SAMD12: variants seen among roughly 807,000 people sequenced by gnomAD.
The protein encoded by SAMD12 is sterile alpha motif domain-containing protein 12.
SAMD12 carries 9 observed loss-of-function variants against 15.0 expected under a neutral mutation model. That is an observed-to-expected ratio of 0.60 (90% CI 0.36 to 1.05). The LOEUF is 1.05. Among genes scored for constraint, SAMD12 ranks in the 50% least tolerant of loss-of-function variants. The probability of loss-of-function intolerance (pLI) is 0.01; values close to 1 mark genes in which losing one functional copy is unlikely to be tolerated. For missense variants in SAMD12, 230 were observed against 234.2 expected (o/e 0.98, Z 0.12); for synonymous variants, 86 against 90.1 (o/e 0.96, Z 0.25).
chr8:118,243,936 A>T (rs1372304429), intron 4 of SAMD12, among the ~76,000 whole-genome samples: 2 of 152,298 alleles, frequency 1.3e-5, no homozygotes, highest in African/African-American at 4.8e-5. Flanking sequence ...CACAAGATGC[A>T]CAACTTCTCT....
At chr8:118,349,860 C>A (rs1372157890) in intron 4 of SAMD12, among the ~76,000 whole-genome samples, 1 of 152,162 alleles carries the variant, frequency 6.6e-6, no homozygotes, top group Non-Finnish European at 1.5e-5. Context: ...GGGCACTGTG[C>A]CTCACACCTG....
intron 2 of SAMD12, among the ~76,000 whole-genome samples, chr8:118,493,554 A>G (rs1824511160): frequency 6.6e-6 from 1 of 152,214 alleles, no homozygotes; most frequent in Non-Finnish European, 1.5e-5. Flanking sequence ...GTTGCCTTCC[A>G]GAGCAATAAG....
intron 2 of SAMD12, among the ~76,000 whole-genome samples, chr8:118,530,336 C>G (rs755997872): frequency 3.3e-5 from 5 of 152,126 alleles, no homozygotes; most frequent in Non-Finnish European, 7.4e-5. Context: ...AGCATAATAT[C>G]TGATAGGTAG....
the SAMD12 span, among the ~76,000 whole-genome samples, chr8:118,151,964 C>T: frequency 1.2e-4 from 19 of 152,006 alleles, no homozygotes; most frequent in South Asian, 2.1e-4. Context: ...ATGGAAGCCA[C>T]CCCAACCTTA....
At chr8:118,541,263 A>G (rs1489833216) in intron 2 of SAMD12, among the ~76,000 whole-genome samples, 1 of 152,198 alleles carries the variant, frequency 6.6e-6, no homozygotes, top group Non-Finnish European at 1.5e-5. Flanking sequence ...GAAAGAGAAG[A>G]GCAGAGATTT....
At chr8:118,576,788 T>TG (rs1827162832) in intron 2 of SAMD12, among the ~76,000 whole-genome samples, 1 of 152,042 alleles carries the variant, frequency 6.6e-6, no homozygotes, top group Non-Finnish European at 1.5e-5. Context: ...AAATGAATGG[T>TG]GAAAAAAAGA....
the SAMD12 span, among the ~76,000 whole-genome samples, chr8:118,169,687 T>C: frequency 2.4e-4 from 37 of 152,194 alleles, no homozygotes; most frequent in African/African-American, 8.9e-4. Flanking sequence ...TAGAGATGTT[T>C]ACAAGAGGCA....
intron 2 of SAMD12, among the ~76,000 whole-genome samples, chr8:118,522,216 G>A (rs13280603): frequency 1.3e-3 from 76 of 56,564 alleles, no homozygotes; most frequent in Middle Eastern, 0.01. Flanking sequence ...ACACACACAC[G>A]ATAAAAAGAG....
intron 4 of SAMD12, among the ~76,000 whole-genome samples, chr8:118,352,321 T>C (rs2931121): frequency 2.0e-5 from 3 of 152,126 alleles, no homozygotes; most frequent in African/African-American, 4.8e-5. Context: ...TCCATCATGG[T>C]CAAATGGTTG....
chr8:118,576,308 C>A (rs1162351784), intron 2 of SAMD12, among the ~76,000 whole-genome samples: 1 of 152,200 alleles, frequency 6.6e-6, no homozygotes, highest in Non-Finnish European at 1.5e-5. Context: ...GTGCTAGTGG[C>A]TATTGTATTG....
intron 2 of SAMD12, among the ~76,000 whole-genome samples, chr8:118,569,456 C>G (rs1223295478): frequency 3.3e-5 from 5 of 152,088 alleles, no homozygotes; most frequent in African/African-American, 1.2e-4. Flanking sequence ...CATGTCTGGT[C>G]CCAGGCATTT....
intron 4 of SAMD12, among the ~76,000 whole-genome samples, chr8:118,243,736 G>C (rs1218601854): frequency 2.6e-5 from 4 of 152,100 alleles, no homozygotes; most frequent in Admixed American, 2.6e-4. Flanking sequence ...CATACCCAGA[G>C]TGTGAAACTT....
At chr8:118,474,671 G>C (rs1323787902) in intron 2 of SAMD12, among the ~76,000 whole-genome samples, 4 of 148,792 alleles carry the variant, frequency 2.7e-5, no homozygotes, top group African/African-American at 9.7e-5. Context: ...ACAGGTGTGA[G>C]CCACCACGCC....
chr8:118,148,600 A>G, the SAMD12 span, among the ~76,000 whole-genome samples: 5 of 152,232 alleles, frequency 3.3e-5, no homozygotes, highest in Non-Finnish European at 7.3e-5. Context: ...GAAAATTTAC[A>G]GAACACAACC....
chr8:118,433,096 C>T (rs1440915517), intron 3 of SAMD12, among the ~76,000 whole-genome samples: 1 of 152,202 alleles, frequency 6.6e-6, no homozygotes, highest in East Asian at 1.9e-4. Flanking sequence ...TTCCTATTCC[C>T]TTGTGGAGGG....
chr8:118,616,318 T>G (rs1339958704), intron 1 of SAMD12, among the ~76,000 whole-genome samples: 2 of 152,108 alleles, frequency 1.3e-5, no homozygotes, highest in East Asian at 3.8e-4. Context: ...ACCCACCCAT[T>G]CCTTCATTTG....
At chr8:118,589,193 A>G (rs1827520346) in intron 1 of SAMD12, among the ~76,000 whole-genome samples, 1 of 152,204 alleles carries the variant, frequency 6.6e-6, no homozygotes, top group Non-Finnish European at 1.5e-5. Context: ...CTGAACCCAC[A>G]AAACTCGTGC....
chr8:118,308,254 T>C (rs1443940282), intron 4 of SAMD12, among the ~76,000 whole-genome samples: 1 of 152,216 alleles, frequency 6.6e-6, no homozygotes, highest in Non-Finnish European at 1.5e-5. Context: ...GAAGTCTTCC[T>C]CTTTCCACTC....
intron 3 of SAMD12, among the ~76,000 whole-genome samples, chr8:118,411,323 C>T (rs1821395581): frequency 6.6e-6 from 1 of 152,186 alleles, no homozygotes; most frequent in African/African-American, 2.4e-5. Context: ...TCCCAGCAAA[C>T]ATCATCAAAG....
Sources: allele counts gnomAD v4.1 joint callset (sites outside exome capture counted in the v4.1 genomes callset), GRCh38; gene constraint gnomAD v4.1.1; transcripts MANE v1.5; gene names NCBI Gene and HGNC (gene_info 2026-07-23, HGNC 2026-07-21).